The following ZNF467 variants were observed in gnomAD, a reference collection of about 807,000 sequenced individuals.
The protein encoded by ZNF467 is zinc finger protein 467.
Under a neutral mutation model 47.8 loss-of-function variants are expected in ZNF467, and 51 were observed. The observed-to-expected ratio is 1.07, with a 90% confidence interval of 0.85 to 1.35. The LOEUF is 1.35. Ranked by LOEUF, ZNF467 falls within the 40% of genes most tolerant of loss-of-function variation. ZNF467 has a pLI of 0.00. For synonymous variants in ZNF467, 416 were observed against 372.9 expected (o/e 1.12, Z -1.33); for missense variants, 992 against 858.1 (o/e 1.16, Z -1.95).
chr7:149,766,361 TC>T, intron 4 of ZNF467, 122 bp from the exon 5 acceptor site: 1 of 1,437,832 alleles, frequency 7.0e-7, no homozygotes, highest in Non-Finnish European at 9.1e-7. Context: ...ACCTAACGCT[TC>T]CCGGGAGTGA....
chr7:149,774,061 G>A (rs2117483923), upstream of ZNF467, among the ~76,000 whole-genome samples: 2 of 152,102 alleles, frequency 1.3e-5, no homozygotes, highest in Admixed American at 1.3e-4. The surrounding 1 kb of genome is among the most constrained non-coding windows in gnomAD (Gnocchi z 5.7). Context: ...ACGGGGCTGG[G>A]CGGAGATTCT....
Position 149,769,146 on chromosome 7 carries a change from G to A in ZNF467, c.206C>T (p.Pro69Leu). The A allele has an allele frequency of 6.4e-7, 1 of 1,563,108 alleles. No homozygotes were observed. Among genetic ancestry groups the A allele is most frequent in the East Asian group, 2.4e-5 (1 of 41,870 alleles). The change falls in exon 4 of 5, where the codon CCC (proline) becomes CTC (leucine). Residue 69 changes from proline (P) to leucine (L), a missense_variant. By Grantham distance (98) the Pro-to-Leu change is moderately conservative. Transcript: ENST00000302017. This position sits in a 1 kb window ranked among gnomAD's most constrained non-coding sequence, Gnocchi z 5.3. ...EGAHTEQAEA[P>L]CRGQACSAQK... ...TGCTGAGCACGCCTGGCCTCTGCAG[G>A]GAGCCTCGGCTTGTTCTGTGTGGGC...
At chr7:149,775,037 G>T (rs117526207), upstream of ZNF467, among the ~76,000 whole-genome samples, 1 of 152,154 alleles carries the variant, frequency 6.6e-6, no homozygotes, top group Admixed American at 6.5e-5. Context: ...TGGGACCAGG[G>T]TGGACCCCGG....
At chr7:149,774,465 C>G (rs1245750022), upstream of ZNF467, among the ~76,000 whole-genome samples, 1 of 152,130 alleles carries the variant, frequency 6.6e-6, no homozygotes, top group East Asian at 1.9e-4. The surrounding 1 kb of genome is among the most constrained non-coding windows in gnomAD (Gnocchi z 5.7). Flanking sequence ...CTGATCAGCC[C>G]CGGTTTGAAT....
At position 149,765,532 on chromosome 7, in the gene ZNF467, T is replaced by G. The variant is rs6965332; in HGVS notation, c.970A>C (p.Thr324Pro). The stretch of plus-strand genomic sequence containing the variant: ...GGAGAGGGCCTGGCCGGGCCGGCCG[T>G]CTGGTGCACCCTTTGGTGCCGCACC... ...HLVRHQRVHQTAGPARPSPDS... is the reference protein window; with the variant it reads ...HLVRHQRVHQPAGPARPSPDS... Residue 324 changes from threonine (T) to proline (P), a missense_variant, in exon 5 of 5, where the codon ACG becomes CCG. Physicochemically the swap from Thr to Pro is conservative, Grantham distance 38. Coordinates refer to ENST00000302017, the MANE Select transcript of ZNF467 (RefSeq NM_207336.3). 1.3e-6 allele frequency: 2 copies of G among 1,579,646 alleles called. No homozygotes were observed. Among genetic ancestry groups the G allele is most frequent in the South Asian group, 2.3e-5 (2 of 87,018 alleles).
chr7:149,775,960 GCCTCTCTGC>G (rs202168340), upstream of ZNF467: 5,938 of 1,110,420 alleles, frequency 5.3e-3, 246 homozygotes, highest in African/African-American at 0.087. Context: ...AGCACCGCTG[GCCTCTCTGC>G]CCTCTCTGCA....
upstream of ZNF467, among the ~76,000 whole-genome samples, chr7:149,774,568 CG>C (rs1322818039): frequency 1.3e-5 from 2 of 152,178 alleles, no homozygotes; most frequent in Non-Finnish European, 2.9e-5. The surrounding 1 kb of genome is among the most constrained non-coding windows in gnomAD (Gnocchi z 5.7). Flanking sequence ...CCTGGAAGAG[CG>C]CCCATCACTC....
At chr7:149,770,013 T>A (rs1377628763) in intron 3 of ZNF467, among the ~76,000 whole-genome samples, 1 of 152,064 alleles carries the variant, frequency 6.6e-6, no homozygotes, top group Non-Finnish European at 1.5e-5. Flanking sequence ...AAATCTTACC[T>A]TCCCAAAGAA....
At chr7:149,776,261 C>A (rs763571116), upstream of ZNF467, 96 of 1,218,274 alleles carry the variant, frequency 7.9e-5, no homozygotes, top group Non-Finnish European at 9.6e-5. Context: ...ACTTCAATAA[C>A]CACCCCTGGG....
In ZNF467 at chr7:149,764,907, CG is replaced by C. The variant is rs1368288126; in HGVS notation, c.1594del (p.Arg532AlafsTer136). Reference protein sequence around the residue: ...RSFSSKTNLVRHQAIHTGSRP... With the variant: ...RSFSSKTNLVXHQAIHTGSRP... ...GGAGCCTGTGTGGATCGCCTGGTGG[CG>C]GACTAGGTTGGTTTTGGAGCTGAAG... is the stretch of plus-strand genomic sequence containing the variant. On this transcript the variant is annotated frameshift_variant, in exon 5 of 5. Coordinates refer to ENST00000302017, the MANE Select transcript of ZNF467 (RefSeq NM_207336.3). LOFTEE classifies it high-confidence loss of function. 3 of 1,565,298 alleles carry C rather than the reference CG, an allele frequency of 1.9e-6. No homozygotes were observed. Among genetic ancestry groups the C allele is most frequent in the Non-Finnish European group, 2.6e-6 (3 of 1,159,492 alleles).
intron 1 of ZNF467, 143 bp downstream of exon 1, chr7:149,772,965 C>T (rs1799474379): frequency 6.9e-6 from 1 of 145,930 alleles, no homozygotes; most frequent in African/African-American, 2.6e-5. Flanking sequence ...CCGACCTCCC[C>T]GGACCCGCGC....
chr7:149,765,542 C>T lies in ZNF467; in HGVS notation c.960G>A (p.Arg320=), dbSNP rs934144545. 2 of 1,581,356 alleles carry T rather than the reference C, an allele frequency of 1.3e-6. No individual in the cohort carries two copies. Among genetic ancestry groups the T allele is most frequent in the Non-Finnish European group, 1.7e-6 (2 of 1,163,976 alleles). The stretch of plus-strand genomic sequence containing the variant: ...TGGCCGGGCCGGCCGTCTGGTGCAC[C>T]CTTTGGTGCCGCACCAAGTGCTGCT... The part of the protein sequence containing the change: ...THKQHLVRHQ[R]VHQTAGPARP... Residue 320 remains arginine (R), a synonymous_variant, in exon 5 of 5, where the codon AGG becomes AGA. Coordinates refer to ENST00000302017, the MANE Select transcript of ZNF467 (RefSeq NM_207336.3).
rs564070458 is a variant in ZNF467, at chr7:149,767,081, C to T, written c.263-842G>A. Among the ~76,000 whole-genome samples, 99 of 152,302 alleles carry T rather than the reference C, an allele frequency of 6.5e-4. 1 individual carries two copies. Among genetic ancestry groups the T allele is most frequent in the African/African-American group, 2.3e-3 (95 of 41,576 alleles). The stretch of plus-strand genomic sequence containing the variant: ...ATGGTCCAGCCTAGAGGAAGGAGCC[C>T]GGGGTCCAGACGGGAGGGTCCAACT... On this transcript the variant is annotated intron_variant, in intron 4 of 4. Transcript: ENST00000302017.
At chr7:149,766,771 A>G (rs1045433425) in intron 4 of ZNF467, among the ~76,000 whole-genome samples, 1 of 152,110 alleles carries the variant, frequency 6.6e-6, no homozygotes, top group African/African-American at 2.4e-5. Flanking sequence ...GATCTTTGAC[A>G]TCTCACCTGG....
At chr7:149,774,249 C>T (rs2117484655), upstream of ZNF467, among the ~76,000 whole-genome samples, 1 of 152,288 alleles carries the variant, frequency 6.6e-6, no homozygotes, top group South Asian at 2.1e-4. This position sits in a 1 kb window ranked among gnomAD's most constrained non-coding sequence, Gnocchi z 5.7. Context: ...ACTCGCCCTC[C>T]CTGCCCAGGT....
intron 1 of ZNF467, among the ~76,000 whole-genome samples, chr7:149,772,603 G>C (rs568034009): frequency 2.3e-4 from 33 of 140,764 alleles, no homozygotes; most frequent in Non-Finnish European, 4.3e-4. Context: ...TCCTCCCGAC[G>C]GGACCCTCAG....
In ZNF467 at chr7:149,764,315, AG is replaced by A; in HGVS notation, c.*398del. The A allele has an allele frequency of 3.6e-5, 16 of 448,440 alleles. No individual in the cohort carries two copies. The highest frequency in any genetic ancestry group is 2.5e-4 in the South Asian group (5 of 20,346). The allele number at this position is 448,440 out of a possible 1,614,324, so 27.8% of individuals were successfully genotyped here. ...GTGGATGGAGGTGGGACAGTGGCTA[AG>A]GAGAGTCAGGTGTTCCCTCCCCCAA... On this transcript the variant is annotated 3_prime_UTR_variant, in exon 5 of 5. Transcript: ENST00000302017.
chr7:149,770,211 G>A (rs959085691), intron 3 of ZNF467, among the ~76,000 whole-genome samples: 1 of 152,054 alleles, frequency 6.6e-6, no homozygotes, highest in African/African-American at 2.4e-5. Context: ...TTAGGATTAA[G>A]CTCTTGAAGG....
chr7:149,765,089 C>T lies in ZNF467; in HGVS notation c.1413G>A (p.Arg471=). Residue 471 remains arginine (R), a synonymous_variant, in exon 5 of 5, where the codon CGG becomes CGA. Coordinates refer to ENST00000302017, the MANE Select transcript of ZNF467 (RefSeq NM_207336.3). ...CTQCDRRFGS[R]PNLVAHSRAH... is the part of the protein sequence containing the mutation. ...CCCTGGAGTGGGCGACCAGATTAGG[C>T]CGCGAGCCGAAGCGGCGGTCACACT... The T allele has an allele frequency of 6.8e-7, 1 of 1,469,990 alleles. No individual in the cohort carries two copies. Among genetic ancestry groups the T allele is most frequent in the Non-Finnish European group, 9.0e-7 (1 of 1,115,158 alleles). 91.1% of individuals were successfully genotyped at this position (1,469,990 alleles called of 1,614,324 possible).
Sources: allele counts gnomAD v4.1 joint callset (sites outside exome capture counted in the v4.1 genomes callset), GRCh38; gene constraint gnomAD v4.1.1; non-coding constraint Gnocchi (gnomAD v3.1); transcripts MANE v1.5; gene names NCBI Gene and HGNC (gene_info 2026-07-23, HGNC 2026-07-21).